The following COL24A1 variants were observed in gnomAD, a reference collection of about 807,000 sequenced individuals.
COL24A1 encodes collagen alpha-1(XXIV) chain.
A neutral mutation model predicts 253.9 loss-of-function variants in COL24A1; 224 were observed. That is an observed-to-expected ratio of 0.88 (90% confidence interval 0.79 to 0.99). The LOEUF is 0.99. Ranked by LOEUF, COL24A1 falls within the 50% of genes least tolerant of loss-of-function variation. COL24A1 has a pLI of 0.00. For missense variants in COL24A1, 2,131 were observed against 2,068.5 expected (o/e 1.03, Z -0.59); for synonymous variants, 685 against 673.7 (o/e 1.02, Z -0.26).
At chr1:85,795,221 G>A (rs1670683406) in intron 47 of COL24A1, among the ~76,000 whole-genome samples, 1 of 152,116 alleles carries the variant, frequency 6.6e-6, no homozygotes, top group South Asian at 2.1e-4. Flanking sequence ...CTTCATTTTA[G>A]AACTGAATGG....
intron 14 of COL24A1, among the ~76,000 whole-genome samples, chr1:86,025,890 C>T (rs1236345511): frequency 6.6e-6 from 1 of 152,120 alleles, no homozygotes; most frequent in East Asian, 1.9e-4. Flanking sequence ...CATTCATATA[C>T]AATCTTCAAG....
intron 31 of COL24A1, among the ~76,000 whole-genome samples, chr1:85,892,771 A>C (rs1457551815): frequency 6.6e-6 from 1 of 152,124 alleles, no homozygotes; most frequent in Non-Finnish European, 1.5e-5. Flanking sequence ...ACTTGTGTTA[A>C]GTATTTACAT....
intron 7 of COL24A1, among the ~76,000 whole-genome samples, chr1:86,074,729 C>A (rs1286041298): frequency 6.6e-6 from 1 of 152,046 alleles, no homozygotes; most frequent in Non-Finnish European, 1.5e-5. Context: ...TCAGCAAATG[C>A]AAAAGAACAG....
intron 24 of COL24A1, among the ~76,000 whole-genome samples, chr1:85,924,165 G>C (rs1418409877): frequency 6.6e-6 from 1 of 152,158 alleles, no homozygotes; most frequent in Non-Finnish European, 1.5e-5. Context: ...TTCTGAAATT[G>C]AGGCAATAAT....
intron 45 of COL24A1, among the ~76,000 whole-genome samples, chr1:85,822,456 T>C (rs1673744026): frequency 6.6e-6 from 1 of 152,192 alleles, no homozygotes; most frequent in African/African-American, 2.4e-5. Flanking sequence ...CAGCAATGAA[T>C]TGAAGGTGCA....
intron 28 of COL24A1, among the ~76,000 whole-genome samples, chr1:85,899,637 A>G (rs1684081702): frequency 6.6e-6 from 1 of 152,222 alleles, no homozygotes; most frequent in South Asian, 2.1e-4. Flanking sequence ...ATAGTTGTAT[A>G]TTTAGAATTT....
At chr1:85,824,503 T>C (rs1198255720) in intron 43 of COL24A1, among the ~76,000 whole-genome samples, 1 of 152,186 alleles carries the variant, frequency 6.6e-6, no homozygotes, top group Non-Finnish European at 1.5e-5. Context: ...GGTCTCCATT[T>C]TTACAAACTA....
intron 20 of COL24A1, among the ~76,000 whole-genome samples, chr1:85,973,760 G>T (rs593146): frequency 6.6e-6 from 1 of 151,838 alleles, no homozygotes; most frequent in South Asian, 2.1e-4. Context: ...TAATCCTTTC[G>T]GTGAAGCAGG....
chr1:85,852,299 GT>G (rs1391809712), intron 37 of COL24A1, among the ~76,000 whole-genome samples: 1 of 151,890 alleles, frequency 6.6e-6, no homozygotes, highest in East Asian at 2.0e-4. Context: ...CCATTGGTCT[GT>G]TTGTTTATTT....
intron 47 of COL24A1, among the ~76,000 whole-genome samples, chr1:85,787,023 G>GT (rs1452250741): frequency 1.3e-5 from 2 of 151,498 alleles, no homozygotes; most frequent in East Asian, 3.9e-4. Flanking sequence ...ACTAAGAACA[G>GT]TTTTTACATT....
At chr1:86,015,564 C>T (rs1194918391) in intron 19 of COL24A1, among the ~76,000 whole-genome samples, 6 of 152,250 alleles carry the variant, frequency 3.9e-5, no homozygotes, top group Admixed American at 1.3e-4. Context: ...TTCTAGTGTA[C>T]ATATCACCTG....
chr1:86,067,083 G>A (rs1701546787), intron 7 of COL24A1, among the ~76,000 whole-genome samples: 1 of 151,868 alleles, frequency 6.6e-6, no homozygotes. Flanking sequence ...AGGTTGCAGT[G>A]AGCCGAGATT....
chr1:85,829,034 T>C (rs1674806242), intron 43 of COL24A1, among the ~76,000 whole-genome samples: 1 of 152,202 alleles, frequency 6.6e-6, no homozygotes, highest in Non-Finnish European at 1.5e-5. Context: ...GTCTTTACAA[T>C]TTGGCATGTT....
At chr1:85,742,376 C>T (rs1406561199) in intron 57 of COL24A1, among the ~76,000 whole-genome samples, 1 of 152,026 alleles carries the variant, frequency 6.6e-6, no homozygotes, top group Non-Finnish European at 1.5e-5. Flanking sequence ...TCATGATCTG[C>T]CCACCTCTGC....
chr1:86,010,060 A>T (rs548641451), intron 19 of COL24A1, among the ~76,000 whole-genome samples: 1 of 152,178 alleles, frequency 6.6e-6, no homozygotes, highest in African/African-American at 2.4e-5. Context: ...TCACACACAC[A>T]AAAAAAACTT....
At chr1:85,968,973 T>C (rs1691843273) in intron 22 of COL24A1, among the ~76,000 whole-genome samples, 2 of 152,186 alleles carry the variant, frequency 1.3e-5, no homozygotes, top group Admixed American at 1.3e-4. Context: ...AGGAACGATA[T>C]CTTGCAAAGT....
chr1:85,946,124 A>G (rs193033455), intron 24 of COL24A1, among the ~76,000 whole-genome samples: 1 of 152,314 alleles, frequency 6.6e-6, no homozygotes, highest in East Asian at 1.9e-4. Context: ...GAATTTTGCT[A>G]CATGATAGCC....
intron 19 of COL24A1, among the ~76,000 whole-genome samples, chr1:85,995,019 C>T (rs943202508): frequency 1.3e-5 from 2 of 152,152 alleles, no homozygotes; most frequent in African/African-American, 4.8e-5. Context: ...AAATATAGCA[C>T]AGCTCAATTC....
chr1:85,971,236 A>T, intron 21 of COL24A1, 104 bp downstream of exon 21: 1 of 817,968 alleles, frequency 1.2e-6, no homozygotes, highest in South Asian at 1.6e-5. Context: ...GTAACTGGAA[A>T]TCTGATGGTG....
Sources: gnomAD v4.1 joint callset for allele counts (sites outside exome capture counted in the v4.1 genomes callset) on GRCh38, gnomAD v4.1.1 for gene constraint, MANE v1.5 for transcripts, NCBI Gene and HGNC (gene_info 2026-07-23, HGNC 2026-07-21) for gene names.